Variants in APBB2 observed in about 807,000 individuals in gnomAD.
APBB2 encodes amyloid beta precursor protein binding family B member 2, also known as Fe65-like 1.
In APBB2, 38 loss-of-function variants were observed where a neutral mutation model predicts 82.5. That is an observed-to-expected ratio of 0.46 (90% CI 0.36 to 0.60). APBB2 has a LOEUF of 0.60. APBB2 is among the 20% of genes least tolerant of loss of function. The probability of loss-of-function intolerance (pLI) is 0.00; values close to 1 mark genes in which losing one functional copy is unlikely to be tolerated. For synonymous variants in APBB2, 341 were observed against 368.2 expected (o/e 0.93, Z 0.85); for missense variants, 772 against 972.3 (o/e 0.79, Z 2.74).
chr4:40,945,105 A>C, intron 6 of APBB2, 32 bp from the exon 7 acceptor site: 25 of 1,326,836 alleles, frequency 1.9e-5, no homozygotes, highest in Middle Eastern at 2.2e-4. Context: ...CGGGGGGAGA[A>C]AGAGAGAATT....
rs1301885871 is a variant in APBB2 at position 40,972,385 on chromosome 4, G to A, written c.836-27312C>T. ...AGAGCTTGCAGTGAGCCGAGATGGC[G>A]CCACTGCGCTCCAGCCTGGGTGACA... On this transcript the variant is annotated intron_variant, in intron 6 of 17. Coordinates refer to ENST00000508593, the MANE Select transcript of APBB2 (RefSeq NM_004307.2). Among the ~76,000 whole-genome samples the A allele has an allele frequency of 9.3e-5, 14 of 150,454 alleles. No individual in the cohort carries two copies. In the East Asian group the frequency reaches 9.8e-4, roughly 10 times the overall value.
At chr4:41,134,375 G>T (rs1008965070) in intron 2 of APBB2, among the ~76,000 whole-genome samples, 3 of 152,014 alleles carry the variant, frequency 2.0e-5, no homozygotes, top group Non-Finnish European at 2.9e-5. Context: ...GTCAGGAGAT[G>T]GAGACCATCC....
chr4:40,923,445 C>T (rs1200608797), intron 10 of APBB2, among the ~76,000 whole-genome samples: 1 of 152,242 alleles, frequency 6.6e-6, no homozygotes, highest in Non-Finnish European at 1.5e-5. Context: ...ACCCCCAGGT[C>T]TCGACCAGCT....
intron 5 of APBB2, among the ~76,000 whole-genome samples, chr4:41,031,314 G>C (rs1419133617): frequency 6.6e-6 from 1 of 152,136 alleles, no homozygotes; most frequent in East Asian, 1.9e-4. Context: ...CCTAGAGTTA[G>C]AAAAAGGAGC....
chr4:41,142,896 G>A, intron 2 of APBB2, 91 bp downstream of exon 2: 1 of 152,254 alleles, frequency 6.6e-6, no homozygotes, highest in Non-Finnish European at 1.5e-5. Flanking sequence ...AATCATTTGG[G>A]GTGGTCTCCA....
rs1441431167 is a variant in APBB2, at chr4:40,816,041, G to C, written c.*51C>G. The stretch of plus-strand genomic sequence containing the variant: ...CGGATGGCGGAGTTCATTTTCTTTA[G>C]TGTAGCTAGTCAATCTTCAGGTAAA... On this transcript the variant is annotated 3_prime_UTR_variant, in exon 18 of 18. Transcript: ENST00000508593. The C allele has an allele frequency of 6.3e-7, 1 of 1,590,106 alleles. No homozygotes were observed. Among genetic ancestry groups the C allele is most frequent in the African/African-American group, 1.3e-5 (1 of 74,162 alleles).
intron 3 of APBB2, among the ~76,000 whole-genome samples, chr4:41,071,595 C>A (rs910242814): frequency 6.6e-6 from 1 of 152,016 alleles, no homozygotes; most frequent in Non-Finnish European, 1.5e-5. Context: ...GCAGGAGAAT[C>A]GCTTGAACCC....
intron 12 of APBB2, among the ~76,000 whole-genome samples, chr4:40,845,553 T>C (rs1757222764): frequency 7.9e-6 from 1 of 127,106 alleles, no homozygotes; most frequent in Non-Finnish European, 1.6e-5. Context: ...GTACCTGGCA[T>C]GTGTAACTGG....
chr4:41,105,520 T>C (rs1358031026), intron 2 of APBB2, among the ~76,000 whole-genome samples: 1 of 152,118 alleles, frequency 6.6e-6, no homozygotes, highest in African/African-American at 2.4e-5. Flanking sequence ...GTTTTGGAAA[T>C]TTTGAAATTC....
In APBB2 at chr4:40,812,032, A is replaced by T. The variant is rs1744519745; in HGVS notation, c.*4060T>A. ...AGCAAGACCGCTTACAAAAGACTCGAGTTGGTGACTAAATAGGCTTCTATG... is the reference window on the plus strand; with the variant it reads ...AGCAAGACCGCTTACAAAAGACTCGTGTTGGTGACTAAATAGGCTTCTATG... On this transcript the variant is annotated 3_prime_UTR_variant, in exon 18 of 18. Coordinates refer to ENST00000508593, the MANE Select transcript of APBB2 (RefSeq NM_004307.2). 1 of 152,222 alleles carries T rather than the reference A, an allele frequency of 6.6e-6. No individual in the cohort carries two copies. Among genetic ancestry groups the T allele is most frequent in the African/African-American group, 2.4e-5 (1 of 41,454 alleles). The allele number at this position is 152,222 out of a possible 1,614,324, so 9.4% of individuals were successfully genotyped here.
At chr4:40,841,304 C>G (rs575612121) in intron 12 of APBB2, among the ~76,000 whole-genome samples, 1 of 152,178 alleles carries the variant, frequency 6.6e-6, no homozygotes, top group African/African-American at 2.4e-5. Context: ...CGTGTCTCTC[C>G]GCTTTGCCCA....
At chr4:40,841,694 T>G in intron 12 of APBB2, among the ~76,000 whole-genome samples, 1 of 151,984 alleles carries the variant, frequency 6.6e-6, no homozygotes, top group East Asian at 1.9e-4. Flanking sequence ...ATTTATTTAT[T>G]TAGAGACAGA....
Position 41,087,069 on chromosome 4 carries a change from G to C in APBB2, c.-149+13570C>G, listed in dbSNP as rs928931724. ...GCGGGAGGATCACTTGAGCCCAGGA[G>C]TTCAAAGCTATAGAGAATTGTGATC... is the stretch of plus-strand genomic sequence containing the variant. On this transcript the variant is annotated intron_variant, in intron 3 of 17. Transcript: ENST00000508593. 2.0e-5 allele frequency among the ~76,000 whole-genome samples: 3 copies of C among 152,180 alleles called. No individual in the cohort carries two copies. The South Asian group carries it at 6.2e-4, about 32-fold the overall frequency.
intron 3 of APBB2, among the ~76,000 whole-genome samples, chr4:41,095,072 T>C (rs773720133): frequency 6.6e-6 from 1 of 152,164 alleles, no homozygotes; most frequent in Non-Finnish European, 1.5e-5. Context: ...ACAGAAAAGA[T>C]CACTTATAAA....
At chr4:40,962,727 G>C (rs974706135) in intron 6 of APBB2, among the ~76,000 whole-genome samples, 1 of 151,832 alleles carries the variant, frequency 6.6e-6, no homozygotes, top group Non-Finnish European at 1.5e-5. Flanking sequence ...AGAAGTGGGG[G>C]AAGGGAGGGA....
At position 40,823,627 on chromosome 4, in the gene APBB2, C is replaced by A; in HGVS notation, c.1932+17G>T. ...ACTGTATAAGACACACCAATGTCAT[C>A]GAAGATTCCTTCTCACCTTTTCACT... On this transcript the variant is annotated intron_variant, in intron 16 of 17. Transcript: ENST00000508593. 6.4e-7 allele frequency: 1 copy of A among 1,563,490 alleles called. No homozygotes were observed. Among genetic ancestry groups the A allele is most frequent in the South Asian group, 1.1e-5 (1 of 90,106 alleles).
At chr4:40,903,534 T>C (rs1338727628) in intron 10 of APBB2, among the ~76,000 whole-genome samples, 1 of 152,182 alleles carries the variant, frequency 6.6e-6, no homozygotes, top group Non-Finnish European at 1.5e-5. Context: ...GATATTACCC[T>C]TGATGCACCA....
At chr4:41,027,956 C>G (rs1210725839) in intron 5 of APBB2, among the ~76,000 whole-genome samples, 1 of 152,216 alleles carries the variant, frequency 6.6e-6, no homozygotes, top group Non-Finnish European at 1.5e-5. Context: ...GATTCCTAAT[C>G]CAGAGGTGGG....
At chr4:41,168,146 G>A (rs1050377812) in intron 1 of APBB2, among the ~76,000 whole-genome samples, 1 of 151,922 alleles carries the variant, frequency 6.6e-6, no homozygotes, top group Non-Finnish European at 1.5e-5. Context: ...GCAGGTGCCT[G>A]TAGTCCCAGC....
Sources: gnomAD v4.1 joint callset for allele counts (sites outside exome capture counted in the v4.1 genomes callset) on GRCh38, gnomAD v4.1.1 for gene constraint, MANE v1.5 for transcripts, NCBI Gene and HGNC (gene_info 2026-07-23, HGNC 2026-07-21) for gene names.